FAM114A2: variants seen among roughly 807,000 people sequenced by gnomAD.
FAM114A2 encodes the protein protein FAM114A2.
In FAM114A2, 53 loss-of-function variants were observed where a neutral mutation model predicts 58.4. The ratio of observed to expected loss-of-function variants is 0.91; its 90% CI spans 0.73 to 1.14. The LOEUF (loss-of-function observed/expected upper bound fraction) is 1.14. Among genes scored for constraint, FAM114A2 ranks in the 50% most tolerant of loss-of-function variants. The probability of loss-of-function intolerance (pLI) is 0.00; values close to 1 mark genes in which losing one functional copy is unlikely to be tolerated. For missense variants in FAM114A2, 601 were observed against 581.1 expected (o/e 1.03, Z -0.35); for synonymous variants, 228 against 211.4 (o/e 1.08, Z -0.68).
intron 8 of FAM114A2, among the ~76,000 whole-genome samples, chr5:154,025,376 C>T (rs1425681456): frequency 6.6e-6 from 1 of 151,868 alleles, no homozygotes; most frequent in African/African-American, 2.4e-5. Context: ...TGTTATGGCA[C>T]CAGCAATTTT....
chr5:154,038,184 A>G (rs1046345608), intron 1 of FAM114A2: 1 of 152,216 alleles, frequency 6.6e-6, no homozygotes, highest in East Asian at 1.9e-4. Flanking sequence ...AAAGATTCCA[A>G]TAACTGTAAA....
intron 10 of FAM114A2, 39 bp downstream of exon 10, chr5:154,002,808 T>G: frequency 6.2e-7 from 1 of 1,611,458 alleles, no homozygotes; most frequent in Non-Finnish European, 8.5e-7. Flanking sequence ...ATTTCAAATC[T>G]ACTAAAACAA....
Position 154,002,953 on chromosome 5 carries a change from T to C in FAM114A2, c.1010A>G (p.His337Arg), listed in dbSNP as rs770945092. The C allele has an allele frequency of 1.2e-6, 2 of 1,613,816 alleles. No individual in the cohort carries two copies. Among genetic ancestry groups the C allele is most frequent in the South Asian group, 1.1e-5 (1 of 90,962 alleles). ...EKLARARNTA[H>R]EWIRKSLTKP... ...GGTCAGAGACTTCCTGATCCATTCG[T>C]GGGCGGTATTTCTTGCCTAAATAAG... The change falls in exon 10 of 14, where the codon CAC becomes CGC. Residue 337 changes from histidine (H) to arginine (R), a missense_variant. Physicochemically the swap from His to Arg is conservative, Grantham distance 29. Transcript: ENST00000351797.
rs555396959 is a variant in FAM114A2 at position 154,036,045 on chromosome 5, G to T, written c.-14-1078C>A. Among the ~76,000 whole-genome samples, 12 of 151,706 alleles carry T rather than the reference G, an allele frequency of 7.9e-5. No individual in the cohort carries two copies. The East Asian group carries it at 2.1e-3, about 27-fold the overall frequency. On this transcript the variant is annotated intron_variant, in intron 1 of 13. Transcript: ENST00000351797. ...TTTCTAATGAGATTTTTTTTTTACT[G>T]TTGAGTTTTGAGAGCTCTTCATATA...
chr5:154,036,301 A>G (rs1772552628), intron 1 of FAM114A2: 1 of 152,194 alleles, frequency 6.6e-6, no homozygotes, highest in Non-Finnish European at 1.5e-5. Context: ...TGTCAGATCA[A>G]CTTTTGAATA....
At chr5:154,022,724 GTGGT>G (rs1458157129) in intron 8 of FAM114A2, among the ~76,000 whole-genome samples, 1 of 152,322 alleles carries the variant, frequency 6.6e-6, no homozygotes, top group East Asian at 1.9e-4. Flanking sequence ...GGAAGACAGT[GTGGT>G]GATTCCTCAA....
chr5:154,033,739 A>G (rs1423376430), intron 4 of FAM114A2, 52 bp downstream of exon 4: 1 of 1,087,424 alleles, frequency 9.2e-7, no homozygotes, highest in Non-Finnish European at 1.4e-6. Flanking sequence ...AATTAGTTCA[A>G]CTGTTCCATT....
chr5:154,021,201 G>A (rs1771396564), intron 8 of FAM114A2, among the ~76,000 whole-genome samples: 1 of 152,168 alleles, frequency 6.6e-6, no homozygotes, highest in Admixed American at 6.5e-5. Flanking sequence ...TACTGAATGG[G>A]CAAAAACTGG....
intron 9 of FAM114A2, among the ~76,000 whole-genome samples, chr5:154,007,769 C>T (rs1241035933): frequency 1.3e-5 from 2 of 152,136 alleles, no homozygotes; most frequent in Non-Finnish European, 2.9e-5. Flanking sequence ...TAGAGGACAT[C>T]GGGCTGTCTT....
Position 154,026,881 on chromosome 5 carries a change from T to TAA in FAM114A2, c.789+293_789+294dup, listed in dbSNP as rs369405624. Among the ~76,000 whole-genome samples, 395 of 132,806 alleles carry TAA rather than the reference T, an allele frequency of 3.0e-3. 4 individuals are homozygous for TAA. In the South Asian group the frequency reaches 0.041, roughly 14 times the overall value. The allele number at this position is 132,806 out of a possible 152,430, so 87.1% of individuals were successfully genotyped here. A position where few individuals can be genotyped will look rare whatever the true frequency, so the allele number is the denominator to read the frequency against. ...TCTTGGCAGCCTAGGCCAAAGAAAC[T>TAA]AAAAAAAAAAAAAAAAGACCAAAAC... On this transcript the variant is annotated intron_variant, in intron 7 of 13. Coordinates refer to ENST00000351797, the MANE Select transcript of FAM114A2 (RefSeq NM_018691.4).
chr5:153,990,374 CTTT>C lies in FAM114A2; in HGVS notation c.*2599_*2601del, dbSNP rs898356876. The C allele has an allele frequency of 1.3e-5, 2 of 151,906 alleles. No homozygotes were observed. Among genetic ancestry groups the C allele is most frequent in the Admixed American group, 1.3e-4 (2 of 15,246 alleles). The allele number at this position is 151,906 out of a possible 1,614,324, so 9.4% of individuals were successfully genotyped here. ...CAGTAGGAACCCACAAGATCTTGTTCTTTGATTACAGGATTGAAAAATTCACAT... is the reference window on the plus strand; with the variant it reads ...CAGTAGGAACCCACAAGATCTTGTTCGATTACAGGATTGAAAAATTCACAT... On this transcript the variant is annotated 3_prime_UTR_variant, in exon 14 of 14. Transcript: ENST00000351797.
rs779259950 is a variant in FAM114A2 at position 154,028,261 on chromosome 5, C to T, written c.518G>A (p.Gly173Asp). Residue 173 changes from glycine (G) to aspartate (D), a missense_variant, in exon 6 of 14, where the codon GGT (glycine) becomes GAT (aspartate). Coordinates refer to ENST00000351797, the MANE Select transcript of FAM114A2 (RefSeq NM_018691.4). Reference sequence around the variant, plus strand: ...TCCAATGAATTCTAAGGCATCCAAACCCCCACTTATAACACTCTTTCCCTA... The same window carrying T: ...TCCAATGAATTCTAAGGCATCCAAATCCCCACTTATAACACTCTTTCCCTA... The part of the protein sequence containing the change: ...QSTGKSVISG[G>D]LDALEFIGKK... 2.5e-6 allele frequency: 4 copies of T among 1,603,234 alleles called. No homozygotes were observed. In the South Asian group the frequency reaches 3.3e-5, roughly 13 times the overall value.
At chr5:154,021,949 T>C (rs1309008324) in intron 8 of FAM114A2, among the ~76,000 whole-genome samples, 4 of 152,142 alleles carry the variant, frequency 2.6e-5, no homozygotes, top group African/African-American at 7.2e-5. Context: ...ACGGGAAATA[T>C]AGACCAATGG....
At chr5:154,021,548 T>C (rs1347948187) in intron 8 of FAM114A2, among the ~76,000 whole-genome samples, 1 of 152,134 alleles carries the variant, frequency 6.6e-6, no homozygotes, top group Non-Finnish European at 1.5e-5. Flanking sequence ...CCATTCACAA[T>C]TGCTTCAAAG....
intron 4 of FAM114A2, among the ~76,000 whole-genome samples, chr5:154,032,326 A>G (rs181614700): frequency 6.6e-5 from 10 of 152,332 alleles, no homozygotes; most frequent in Middle Eastern, 3.4e-3. Context: ...GACCTGTCTC[A>G]GACACTTTTT....
chr5:153,993,056 G>A lies in FAM114A2; in HGVS notation c.1438C>T (p.Leu480=), dbSNP rs1249857228. The change falls in exon 14 of 14, where the codon CTA becomes TTA. Residue 480 remains leucine, a synonymous_variant. Coordinates refer to ENST00000351797, the MANE Select transcript of FAM114A2 (RefSeq NM_018691.4). ...TTGTTCTCAATGAGAGAGATCTCTA[G>A]CACAGGTAAGAGTAGCTGAAAGGCG... ...QDAFQLLLPV[L]EISLIENKIE... 3 of 1,613,102 alleles carry A rather than the reference G, an allele frequency of 1.9e-6. No homozygotes were observed. The highest frequency in any genetic ancestry group is 2.5e-6 in the Non-Finnish European group (3 of 1,179,262).
At chr5:154,023,327 T>C (rs1771554361) in intron 8 of FAM114A2, among the ~76,000 whole-genome samples, 1 of 152,114 alleles carries the variant, frequency 6.6e-6, no homozygotes, top group Non-Finnish European at 1.5e-5. Context: ...TGCACACGCA[T>C]GTTTAAGCAG....
intron 8 of FAM114A2, 51 bp downstream of exon 8, chr5:154,026,348 C>A: frequency 7.2e-7 from 1 of 1,396,568 alleles, no homozygotes; most frequent in South Asian, 1.6e-5. Flanking sequence ...CAATGCACTG[C>A]ATACAAACAC....
At chr5:154,038,149 CCAGTT>C (rs1772716842) in intron 1 of FAM114A2, 1 of 152,114 alleles carries the variant, frequency 6.6e-6, no homozygotes, top group South Asian at 2.1e-4. Context: ...AGTTTCTCCT[CCAGTT>C]ATTTTCTCAG....
Sources: allele counts gnomAD v4.1 joint callset (sites outside exome capture counted in the v4.1 genomes callset), GRCh38; gene constraint gnomAD v4.1.1; transcripts MANE v1.5; gene names NCBI Gene and HGNC (gene_info 2026-07-23, HGNC 2026-07-21).